The following ANKS1A variants were observed in gnomAD, a reference collection of about 807,000 sequenced individuals.
ANKS1A encodes the protein ankyrin repeat and SAM domain-containing protein 1A.
ANKS1A carries 55 observed loss-of-function variants against 120.3 expected under a neutral mutation model. The observed-to-expected ratio is 0.46, with a 90% CI of 0.37 to 0.57. The LOEUF is 0.57. Ranked by LOEUF, ANKS1A falls within the 20% of genes least tolerant of loss-of-function variation. The pLI, the probability that ANKS1A is intolerant of heterozygous loss-of-function variation, is 0.00. For missense variants in ANKS1A, 1,123 were observed against 1,480.3 expected, an observed-to-expected ratio of 0.76 and a Z score of 3.96; for synonymous variants, 590 against 604.7, an observed-to-expected ratio of 0.98 and a Z score of 0.36.
chr6:34,972,765 C>T (rs1399574399), intron 3 of ANKS1A: 1 of 353,396 alleles, frequency 2.8e-6, no homozygotes, highest in East Asian at 1.7e-4. Context: ...CTGTTGTCTG[C>T]TTCAGTCCAT....
chr6:34,905,349 G>C (rs1767598348), intron 1 of ANKS1A, among the ~76,000 whole-genome samples: 1 of 152,206 alleles, frequency 6.6e-6, no homozygotes, highest in South Asian at 2.1e-4. Flanking sequence ...CTGCAGCCAT[G>C]ATCAAACTTC....
chr6:34,996,948 G>A (rs1047215127), intron 10 of ANKS1A, among the ~76,000 whole-genome samples: 12 of 151,982 alleles, frequency 7.9e-5, no homozygotes, highest in South Asian at 6.2e-4. Flanking sequence ...CCTTCCTTTC[G>A]CTATTGAATT....
chr6:35,077,440 C>T (rs933587253), intron 13 of ANKS1A, among the ~76,000 whole-genome samples: 2 of 152,178 alleles, frequency 1.3e-5, no homozygotes, highest in Non-Finnish European at 2.9e-5. Flanking sequence ...AGGCACCGAG[C>T]GTGTGCGAGA....
chr6:35,017,398 G>T, intron 10 of ANKS1A, 75 bp from the exon 11 acceptor site: 1 of 1,471,222 alleles, frequency 6.8e-7, no homozygotes, highest in Non-Finnish European at 9.2e-7. Context: ...TTTGCCATAT[G>T]CTTGCTGCAT....
chr6:34,983,355 A>G lies in ANKS1A; in HGVS notation c.942A>G (p.Glu314=). Residue 314 remains glutamate (E), a synonymous_variant, in exon 7 of 24, where the codon GAA becomes GAG. Transcript: ENST00000360359. ...TGACTGGAAAAAGAAGTACAAAAGA[A>G]GTAGATAAAACCCCCCCACCCCAGC... The part of the protein sequence containing the change: ...DHMTGKRSTK[E]VDKTPPPQPP... The G allele has an allele frequency of 1.2e-6, 2 of 1,614,106 alleles. No individual in the cohort carries two copies. The highest frequency in any genetic ancestry group is 1.7e-6 in the Non-Finnish European group (2 of 1,179,992).
At chr6:34,921,206 C>G (rs1220723573) in intron 1 of ANKS1A, among the ~76,000 whole-genome samples, 2 of 152,236 alleles carry the variant, frequency 1.3e-5, no homozygotes, top group Non-Finnish European at 2.9e-5. Context: ...ACTTACACAA[C>G]ATATCTAAAG....
intron 3 of ANKS1A, among the ~76,000 whole-genome samples, chr6:34,970,630 G>A (rs1020481421): frequency 6.6e-6 from 1 of 152,176 alleles, no homozygotes; most frequent in African/African-American, 2.4e-5. Flanking sequence ...TTCACTTTAT[G>A]TGCAAAATTT....
chr6:35,023,691 A>C (rs1041924125), intron 11 of ANKS1A: 4 of 384,002 alleles, frequency 1.0e-5, no homozygotes, highest in Non-Finnish European at 2.1e-5. Context: ...AGGAAAGGGT[A>C]GAGAGATTCG....
At chr6:35,079,447 T>G in intron 14 of ANKS1A, 69 bp from the exon 15 acceptor site, 1 of 1,586,742 alleles carries the variant, frequency 6.3e-7, no homozygotes, top group Non-Finnish European at 8.6e-7. Context: ...GCTGGCTGGG[T>G]CCATGGTCCT....
At chr6:35,034,491 C>T (rs34069418) in intron 11 of ANKS1A, among the ~76,000 whole-genome samples, 19,535 of 152,226 alleles carry the variant, frequency 0.13, 1,625 homozygotes, top group African/African-American at 0.22. Flanking sequence ...TACAAGATTC[C>T]TGGGTCTAGA....
In ANKS1A at chr6:35,054,178, G is replaced by T; in HGVS notation, c.2077+13G>T. On this transcript the variant is annotated intron_variant, in intron 12 of 23. Coordinates refer to ENST00000360359, the MANE Select transcript of ANKS1A (RefSeq NM_015245.3). Reference sequence around the variant, plus strand: ...CAGAAGATCTCAGGTACCGTACTAAGTGGCCATTTTCCCCACAGAAACTGG... The same window carrying T: ...CAGAAGATCTCAGGTACCGTACTAATTGGCCATTTTCCCCACAGAAACTGG... 6.2e-7 allele frequency: 1 copy of T among 1,613,452 alleles called. No homozygotes were observed. The highest frequency in any genetic ancestry group is 1.1e-5 in the South Asian group (1 of 91,060).
chr6:34,937,755 A>G (rs527257288), intron 1 of ANKS1A, among the ~76,000 whole-genome samples: 42 of 152,316 alleles, frequency 2.8e-4, no homozygotes, highest in Middle Eastern at 6.8e-3. Flanking sequence ...ACCTCATCTC[A>G]AGATTGAAGG....
rs763334649 is a variant in ANKS1A, at chr6:35,084,168, G to A, written c.3042G>A (p.Gln1014=). 11 of 1,614,102 alleles carry A rather than the reference G, an allele frequency of 6.8e-6. No homozygotes were observed. The highest frequency in any genetic ancestry group is 1.7e-5 in the Admixed American group (1 of 60,002). Residue 1014 remains glutamine, a synonymous_variant, in exon 21 of 24, where the codon CAG becomes CAA. Coordinates refer to ENST00000360359, the MANE Select transcript of ANKS1A (RefSeq NM_015245.3). The surrounding 1 kb of genome is among the most constrained non-coding windows in gnomAD (Gnocchi z 4.8). ...HEIRNISCAA[Q]DPEDLCTFAY... is the part of the protein sequence containing the mutation. ...TCCGGAACATTTCCTGTGCGGCCCA[G>A]GACCCGGAGGACCTCTGTACCTTTG...
rs776071772 is a variant in ANKS1A at position 34,970,037 on chromosome 6, C to T, written c.306C>T (p.Asn102=). 10 of 1,613,992 alleles carry T rather than the reference C, an allele frequency of 6.2e-6. No homozygotes were observed. Among genetic ancestry groups the T allele is most frequent in the African/African-American group, 2.7e-5 (2 of 75,022 alleles). Residue 102 remains asparagine (N), a synonymous_variant, in exon 3 of 24, where the codon AAC becomes AAT. Transcript: ENST00000360359. ...ATGTGGTCGAGGTTCTTCTGAGGAA[C>T]GATGCGCTGACCAACGTGGCTGACT... is the stretch of plus-strand genomic sequence containing the variant. ...HKDVVEVLLR[N]DALTNVADSK...
intron 3 of ANKS1A, among the ~76,000 whole-genome samples, chr6:34,973,725 C>T (rs1283433601): frequency 6.6e-6 from 1 of 152,158 alleles, no homozygotes; most frequent in African/African-American, 2.4e-5. Context: ...CCTAGGAAGG[C>T]CCTGTGGGAG....
At chr6:34,942,845 CTTCTT>C (rs1243220438) in intron 1 of ANKS1A, among the ~76,000 whole-genome samples, 3 of 151,498 alleles carry the variant, frequency 2.0e-5, no homozygotes, top group Non-Finnish European at 4.4e-5. Flanking sequence ...CCTCCCCATC[CTTCTT>C]TTCTTTTCTT....
At chr6:35,048,976 G>A (rs1374921434) in intron 11 of ANKS1A, among the ~76,000 whole-genome samples, 1 of 152,238 alleles carries the variant, frequency 6.6e-6, no homozygotes, top group Non-Finnish European at 1.5e-5. Flanking sequence ...GCTGCCAGTG[G>A]CACCAGCGAA....
intron 11 of ANKS1A, among the ~76,000 whole-genome samples, chr6:35,033,624 A>G (rs567398538): frequency 1.3e-5 from 2 of 152,166 alleles, no homozygotes; most frequent in Admixed American, 1.3e-4. Context: ...GCCTTCTTTC[A>G]TCTTGGGCAA....
At chr6:35,013,827 T>G (rs1259074955) in intron 10 of ANKS1A, among the ~76,000 whole-genome samples, 1 of 152,236 alleles carries the variant, frequency 6.6e-6, no homozygotes, top group Non-Finnish European at 1.5e-5. Flanking sequence ...TTCATGTACC[T>G]TATCTTTGAT....
Sources: gnomAD v4.1 joint callset for allele counts (sites outside exome capture counted in the v4.1 genomes callset) on GRCh38, gnomAD v4.1.1 for gene constraint, Gnocchi (gnomAD v3.1) non-coding constraint, MANE v1.5 for transcripts, NCBI Gene and HGNC (gene_info 2026-07-23, HGNC 2026-07-21) for gene names.